Variants in SHC3 observed in about 807,000 individuals in gnomAD.
SHC3 encodes SHC adaptor protein 3.
A neutral mutation model predicts 60.4 loss-of-function variants in SHC3; 15 were observed. The observed-to-expected ratio is 0.25, with a 90% CI of 0.17 to 0.38. The LOEUF (loss-of-function observed/expected upper bound fraction) is 0.38. SHC3 is among the 10% of genes least tolerant of loss of function. SHC3 has a pLI of 1.00. For synonymous variants in SHC3, 294 were observed against 325.9 expected, an observed-to-expected ratio of 0.90 and a Z score of 1.05; for missense variants, 677 against 786.1, an observed-to-expected ratio of 0.86 and a Z score of 1.66.
At chr9:89,098,301 A>G (rs1175867072) in intron 2 of SHC3, among the ~76,000 whole-genome samples, 10 of 152,118 alleles carry the variant, frequency 6.6e-5, no homozygotes, top group Non-Finnish European at 1.3e-4. Flanking sequence ...GAATGAGGGG[A>G]AAAAAAACCA....
intron 1 of SHC3, among the ~76,000 whole-genome samples, chr9:89,142,292 G>C (rs563668740): frequency 6.6e-6 from 1 of 152,270 alleles, no homozygotes; most frequent in East Asian, 1.9e-4. Flanking sequence ...GGGTGCGATG[G>C]CTTGCACTTG....
chr9:89,018,481 G>A (rs1344116279), intron 11 of SHC3, among the ~76,000 whole-genome samples: 3 of 152,074 alleles, frequency 2.0e-5, no homozygotes, highest in Non-Finnish European at 2.9e-5. Flanking sequence ...TCACACACCA[G>A]GGCCTGTCAG....
chr9:89,119,397 G>C (rs150202357), intron 1 of SHC3, among the ~76,000 whole-genome samples: 2 of 151,754 alleles, frequency 1.3e-5, no homozygotes, highest in African/African-American at 2.4e-5. Context: ...CCCTTCACAG[G>C]TTAAAAATAT....
chr9:89,106,917 G>A (rs1173760934), intron 2 of SHC3, among the ~76,000 whole-genome samples: 1 of 152,016 alleles, frequency 6.6e-6, no homozygotes, highest in Admixed American at 6.6e-5. Flanking sequence ...AAATAGAGCA[G>A]AATGAGGCCT....
At chr9:89,119,696 CT>C (rs778040678) in intron 1 of SHC3, among the ~76,000 whole-genome samples, 6 of 152,152 alleles carry the variant, frequency 3.9e-5, no homozygotes, top group Non-Finnish European at 7.4e-5. Context: ...CATGCCAATT[CT>C]TCCCCAAATT....
chr9:89,077,051 C>A (rs988985497), intron 3 of SHC3, among the ~76,000 whole-genome samples: 8 of 152,018 alleles, frequency 5.3e-5, no homozygotes. Context: ...GTGGCGCACA[C>A]CTGTAATCCC....
At chr9:89,087,744 T>A (rs1205074647) in intron 2 of SHC3, among the ~76,000 whole-genome samples, 1 of 152,120 alleles carries the variant, frequency 6.6e-6, no homozygotes, top group Non-Finnish European at 1.5e-5. Flanking sequence ...GATTCCAAAG[T>A]AAACGTGAAA....
At chr9:89,045,564 C>T (rs544951727) in intron 9 of SHC3, among the ~76,000 whole-genome samples, 182 bp downstream of exon 9, 7 of 152,262 alleles carry the variant, frequency 4.6e-5, no homozygotes, top group South Asian at 2.1e-4. Context: ...CGTGTGCCAC[C>T]GCGCCTGACC....
At chr9:89,066,063 T>A (rs1296374797) in intron 5 of SHC3, among the ~76,000 whole-genome samples, 1 of 152,178 alleles carries the variant, frequency 6.6e-6, no homozygotes, top group East Asian at 1.9e-4. Context: ...GTGAACCACA[T>A]GTTAAGAACC....
intron 2 of SHC3, among the ~76,000 whole-genome samples, chr9:89,079,096 A>G (rs960354473): frequency 1.3e-5 from 2 of 152,236 alleles, no homozygotes; most frequent in Non-Finnish European, 2.9e-5. Context: ...AAAAGCTCAG[A>G]TGCCAGGAAA....
At chr9:89,015,087 A>G (rs931912482) in intron 11 of SHC3, among the ~76,000 whole-genome samples, 8 of 152,172 alleles carry the variant, frequency 5.3e-5, no homozygotes, top group Admixed American at 2.6e-4. Flanking sequence ...AGCTTTTTGC[A>G]AGACTTCCCA....
intron 1 of SHC3, among the ~76,000 whole-genome samples, chr9:89,141,997 A>G (rs1318083880): frequency 6.6e-6 from 1 of 152,162 alleles, no homozygotes; most frequent in Admixed American, 6.6e-5. Flanking sequence ...ATCAGCTCTC[A>G]TGTTTCCCCT....
At chr9:89,072,330 G>A (rs145578970) in intron 4 of SHC3, among the ~76,000 whole-genome samples, 1 of 152,228 alleles carries the variant, frequency 6.6e-6, no homozygotes, top group Non-Finnish European at 1.5e-5. Flanking sequence ...GAAGGAATCT[G>A]TCTCACCCAC....
At chr9:89,088,934 A>C (rs1407239459) in intron 2 of SHC3, 1 of 152,452 alleles carries the variant, frequency 6.6e-6, no homozygotes, top group East Asian at 1.9e-4. Context: ...GTGAGACCAC[A>C]CCTGCAAGGC....
chr9:89,075,047 C>T (rs1287988414), intron 4 of SHC3, 62 bp downstream of exon 4: 6 of 1,570,934 alleles, frequency 3.8e-6, no homozygotes, highest in Non-Finnish European at 4.3e-6. Flanking sequence ...AAGGAAGAAG[C>T]CTGCGAAACA....
At chr9:89,058,582 G>A (rs1307917977) in intron 6 of SHC3, among the ~76,000 whole-genome samples, 1 of 150,930 alleles carries the variant, frequency 6.6e-6, no homozygotes, top group Non-Finnish European at 1.5e-5. Context: ...GGTGGAGGAT[G>A]TGGTGGAGGA....
At chr9:89,096,331 C>T (rs1420433183) in intron 2 of SHC3, among the ~76,000 whole-genome samples, 1 of 152,154 alleles carries the variant, frequency 6.6e-6, no homozygotes, top group African/African-American at 2.4e-5. Flanking sequence ...CAATGCGCCA[C>T]CAAGGGAGAT....
At chr9:89,085,686 C>T (rs897750736) in intron 2 of SHC3, among the ~76,000 whole-genome samples, 1 of 152,206 alleles carries the variant, frequency 6.6e-6, no homozygotes, top group African/African-American at 2.4e-5. Context: ...TTTAATTCAG[C>T]TTCATACAAG....
intron 11 of SHC3, 140 bp from the exon 12 acceptor site, chr9:89,013,715 G>T: frequency 8.0e-7 from 1 of 1,243,092 alleles, no homozygotes; most frequent in Non-Finnish European, 1.1e-6. Flanking sequence ...CCACTTTAGA[G>T]ATGCTGTCTG....
Sources: allele counts gnomAD v4.1 joint callset (sites outside exome capture counted in the v4.1 genomes callset), GRCh38; gene constraint gnomAD v4.1.1; transcripts MANE v1.5; gene names NCBI Gene and HGNC (gene_info 2026-07-23, HGNC 2026-07-21).